FAF1: variants seen among roughly 807,000 people sequenced by gnomAD.
FAF1 encodes Fas associated factor 1.
FAF1 carries 25 observed loss-of-function variants against 92.5 expected under a neutral mutation model. That is an observed-to-expected ratio of 0.27 (90% confidence interval 0.20 to 0.38). The LOEUF is 0.38. FAF1 is among the 10% of genes least tolerant of loss of function. The pLI is 1.00. For missense variants in FAF1, 636 were observed against 793.3 expected (o/e 0.80, Z 2.38); for synonymous variants, 234 against 273.2 (o/e 0.86, Z 1.42).
At chr1:50,739,020 GT>G in intron 5 of FAF1, 66 bp from the exon 6 acceptor site, 4 of 1,007,690 alleles carry the variant, frequency 4.0e-6, no homozygotes, top group Non-Finnish European at 5.9e-6. Flanking sequence ...GATTTTTCCT[GT>G]AATTCTTGAA....
chr1:50,889,362 C>T (rs1644699572), intron 1 of FAF1, among the ~76,000 whole-genome samples: 1 of 152,122 alleles, frequency 6.6e-6, no homozygotes, highest in African/African-American at 2.4e-5. Context: ...GTCTCTATCT[C>T]CTTCAGTTCT....
chr1:50,927,862 A>G (rs1462707867), intron 1 of FAF1, among the ~76,000 whole-genome samples: 1 of 152,016 alleles, frequency 6.6e-6, no homozygotes, highest in South Asian at 2.1e-4. Flanking sequence ...TTGTGTCTCT[A>G]TGTGCCCTAA....
intron 2 of FAF1, among the ~76,000 whole-genome samples, chr1:50,805,500 C>T (rs964829201): frequency 5.3e-5 from 8 of 152,066 alleles, no homozygotes; most frequent in African/African-American, 1.7e-4. Flanking sequence ...AAAATCATGA[C>T]ATTCATGGTG....
intron 1 of FAF1, among the ~76,000 whole-genome samples, chr1:50,885,323 C>CA (rs1261747693): frequency 6.9e-6 from 1 of 144,754 alleles, no homozygotes; most frequent in African/African-American, 2.6e-5. Flanking sequence ...CACACACACA[C>CA]ACTCTCTCTC....
At chr1:50,739,001 T>C (rs1401161873) in intron 5 of FAF1, 47 bp from the exon 6 acceptor site, 2 of 1,149,428 alleles carry the variant, frequency 1.7e-6, no homozygotes, top group East Asian at 4.8e-5. Flanking sequence ...ATGTTGATTA[T>C]TCATTATTGA....
intron 12 of FAF1, among the ~76,000 whole-genome samples, chr1:50,576,825 C>T (rs1191252817): frequency 2.2e-5 from 3 of 134,236 alleles, no homozygotes; most frequent in South Asian, 2.3e-4. Flanking sequence ...TTTGTTTGTT[C>T]GTTTTTCTTT....
intron 1 of FAF1, among the ~76,000 whole-genome samples, chr1:50,860,915 C>T (rs763546901): frequency 8.6e-5 from 13 of 151,790 alleles, no homozygotes; most frequent in Non-Finnish European, 1.5e-4. Flanking sequence ...AAGAGAACTA[C>T]GTCATGTCCT....
intron 8 of FAF1, 66 bp downstream of exon 8, chr1:50,655,376 C>A (rs1400683410): frequency 3.9e-6 from 4 of 1,015,254 alleles, no homozygotes; most frequent in East Asian, 4.7e-5. Flanking sequence ...ATTATCAAAG[C>A]CAATTAGACT....
At chr1:50,750,554 C>T (rs1201270750) in intron 4 of FAF1, among the ~76,000 whole-genome samples, 1 of 152,006 alleles carries the variant, frequency 6.6e-6, no homozygotes. Context: ...CCTTCTCACC[C>T]TAAAGATTAC....
At chr1:50,468,368 C>G (rs1646526052) in intron 18 of FAF1, among the ~76,000 whole-genome samples, 1 of 152,142 alleles carries the variant, frequency 6.6e-6, no homozygotes, top group Admixed American at 6.5e-5. Context: ...TCTTGGCTCA[C>G]TGCAACCTCC....
intron 7 of FAF1, among the ~76,000 whole-genome samples, chr1:50,700,706 T>C (rs1205259876): frequency 6.6e-6 from 1 of 152,140 alleles, no homozygotes; most frequent in Non-Finnish European, 1.5e-5. Flanking sequence ...AGCTATCATG[T>C]TTGATACACA....
intron 7 of FAF1, among the ~76,000 whole-genome samples, chr1:50,684,945 T>C (rs547942173): frequency 6.6e-6 from 1 of 152,276 alleles, no homozygotes; most frequent in African/African-American, 2.4e-5. Context: ...ATTATACAAA[T>C]GAATGTTGTA....
intron 15 of FAF1, among the ~76,000 whole-genome samples, chr1:50,508,955 C>T (rs1013455050): frequency 1.3e-5 from 2 of 152,156 alleles, no homozygotes; most frequent in African/African-American, 4.8e-5. Context: ...CCACCCACCT[C>T]GGCCTCCCAA....
intron 4 of FAF1, among the ~76,000 whole-genome samples, chr1:50,746,597 C>T (rs977143312): frequency 5.3e-5 from 8 of 151,650 alleles, no homozygotes; most frequent in South Asian, 2.1e-4. Context: ...CCACCGAGCC[C>T]GGCCAATGAA....
chr1:50,596,056 G>A, intron 9 of FAF1, 65 bp downstream of exon 9: 3 of 1,001,358 alleles, frequency 3.0e-6, no homozygotes, highest in Non-Finnish European at 4.6e-6. Context: ...TAAAAAAAAA[G>A]GGAAGTGCGC....
intron 4 of FAF1, among the ~76,000 whole-genome samples, chr1:50,775,205 T>G (rs1660912162): frequency 1.3e-5 from 2 of 152,136 alleles, no homozygotes; most frequent in Admixed American, 1.3e-4. Flanking sequence ...TTTTTAAAAT[T>G]TCCTGTGATG....
chr1:50,663,426 T>A (rs1003455108), intron 7 of FAF1, among the ~76,000 whole-genome samples: 2 of 150,200 alleles, frequency 1.3e-5, no homozygotes, highest in African/African-American at 5.0e-5. Flanking sequence ...TTTTTTTTTT[T>A]TTTTTTTGAG....
At chr1:50,655,118 C>A (rs981972243) in intron 8 of FAF1, among the ~76,000 whole-genome samples, 1 of 151,546 alleles carries the variant, frequency 6.6e-6, no homozygotes, top group East Asian at 2.0e-4. Flanking sequence ...TAGAGGCGGC[C>A]GCCAAGTGAT....
intron 4 of FAF1, among the ~76,000 whole-genome samples, chr1:50,771,469 A>T (rs1334964600): frequency 2.0e-5 from 3 of 152,354 alleles, no homozygotes; most frequent in East Asian, 1.9e-4. Flanking sequence ...ACACGATCAG[A>T]TACTTTTTGA....
Sources: gnomAD v4.1 joint callset for allele counts (sites outside exome capture counted in the v4.1 genomes callset) on GRCh38, gnomAD v4.1.1 for gene constraint, MANE v1.5 for transcripts, NCBI Gene and HGNC (gene_info 2026-07-23, HGNC 2026-07-21) for gene names.